EPHA3: variants seen among roughly 807,000 people sequenced by gnomAD.
The protein encoded by EPHA3 is EPH receptor A3.
In EPHA3, 42 loss-of-function variants were observed where a neutral mutation model predicts 107.1. The observed-to-expected ratio is 0.39, with a 90% CI of 0.31 to 0.51. EPHA3 has a LOEUF of 0.51. Among genes scored for constraint, EPHA3 ranks in the 20% least tolerant of loss-of-function variants. EPHA3 has a pLI of 0.78. For missense variants in EPHA3, 1,183 were observed against 1,211.2 expected (o/e 0.98, Z 0.35); for synonymous variants, 461 against 424.8 (o/e 1.09, Z -1.05).
At chr3:89,216,773 A>C (rs560632488) in intron 3 of EPHA3, among the ~76,000 whole-genome samples, 1 of 152,186 alleles carries the variant, frequency 6.6e-6, no homozygotes, top group African/African-American at 2.4e-5. Context: ...TGTGTTTTCA[A>C]CTTTCAAGAT....
At chr3:89,164,537 T>C (rs1210881789) in intron 2 of EPHA3, among the ~76,000 whole-genome samples, 1 of 152,234 alleles carries the variant, frequency 6.6e-6, no homozygotes, top group Non-Finnish European at 1.5e-5. Flanking sequence ...TCTTGCCCTT[T>C]GGATCTGCTT....
At chr3:89,423,203 C>T (rs1384420727) in intron 11 of EPHA3, among the ~76,000 whole-genome samples, 1 of 151,402 alleles carries the variant, frequency 6.6e-6, no homozygotes, top group Non-Finnish European at 1.5e-5. Flanking sequence ...TACCATGTAA[C>T]TTAAGTGTAA....
intron 2 of EPHA3, among the ~76,000 whole-genome samples, chr3:89,130,938 T>C (rs1704196252): frequency 6.6e-6 from 1 of 152,210 alleles, no homozygotes; most frequent in Admixed American, 6.5e-5. Context: ...GCCCGGTCCC[T>C]ATCTCCATTT....
intron 5 of EPHA3, among the ~76,000 whole-genome samples, chr3:89,391,409 T>G (rs1210788120): frequency 4.1e-5 from 6 of 145,622 alleles, no homozygotes; most frequent in African/African-American, 1.6e-4. Context: ...TTTCTTTTCT[T>G]TTCTTTCTTT....
At chr3:89,455,889 A>T (rs1422109377) in intron 15 of EPHA3, among the ~76,000 whole-genome samples, 1 of 152,044 alleles carries the variant, frequency 6.6e-6, no homozygotes, top group Admixed American at 6.6e-5. Flanking sequence ...CACTATTTTA[A>T]TTCTGTTTTC....
At chr3:89,127,657 T>TA (rs1704121660) in intron 2 of EPHA3, among the ~76,000 whole-genome samples, 1 of 152,000 alleles carries the variant, frequency 6.6e-6, no homozygotes, top group African/African-American at 2.4e-5. Flanking sequence ...GTCATAGCCT[T>TA]AAAATCAACC....
At chr3:89,382,755 A>G (rs1227014381) in intron 5 of EPHA3, among the ~76,000 whole-genome samples, 3 of 152,164 alleles carry the variant, frequency 2.0e-5, no homozygotes, top group Admixed American at 6.5e-5. Flanking sequence ...TTAGGACAGA[A>G]GAATATTGCT....
chr3:89,216,617 T>A (rs758573412), intron 3 of EPHA3, among the ~76,000 whole-genome samples: 1 of 152,078 alleles, frequency 6.6e-6, no homozygotes, highest in Non-Finnish European at 1.5e-5. Context: ...TGACCTTCCT[T>A]AGCTCTGATT....
At chr3:89,134,979 T>C (rs975483170) in intron 2 of EPHA3, among the ~76,000 whole-genome samples, 9 of 152,198 alleles carry the variant, frequency 5.9e-5, no homozygotes, top group African/African-American at 1.9e-4. Flanking sequence ...TATTTCACAC[T>C]TAATTCAGAA....
At chr3:89,476,583 ATTT>A (rs1559710389) in intron 16 of EPHA3, among the ~76,000 whole-genome samples, 1 of 130,828 alleles carries the variant, frequency 7.6e-6, no homozygotes. Context: ...GACTATTATT[ATTT>A]TTATTTATTT....
intron 3 of EPHA3, among the ~76,000 whole-genome samples, chr3:89,280,575 A>G (rs567885308): frequency 1.3e-5 from 2 of 152,276 alleles, no homozygotes; most frequent in East Asian, 1.9e-4. Context: ...GTGTGGTATA[A>G]TTGGGTTTTA....
At position 89,356,194 on chromosome 3, in the gene EPHA3, T is replaced by A. The variant is rs1469591200; in HGVS notation, c.1306+14104T>A. 2.8e-4 allele frequency among the ~76,000 whole-genome samples: 43 copies of A among 150,948 alleles called. 2 individuals carry two copies. The Admixed American group carries it at 2.9e-3, about 10-fold the overall frequency. ...TTTTTTATGGCTGCATAGTATTCCA[T>A]GGTGTATATGTGCCACATTTTCTTA... On this transcript the variant is annotated intron_variant, in intron 5 of 16. Transcript: ENST00000336596.
intron 3 of EPHA3, among the ~76,000 whole-genome samples, chr3:89,244,441 A>G (rs1474083633): frequency 6.6e-6 from 1 of 152,120 alleles, no homozygotes; most frequent in Non-Finnish European, 1.5e-5. Context: ...CAACATATTT[A>G]AATTTTTTCC....
intron 3 of EPHA3, among the ~76,000 whole-genome samples, chr3:89,211,722 CT>C (rs1559602809): frequency 7.2e-6 from 1 of 139,528 alleles, no homozygotes. Context: ...TCCTCTTCTT[CT>C]TTTTCTTCTT....
intron 3 of EPHA3, among the ~76,000 whole-genome samples, chr3:89,256,144 G>A (rs1444054872): frequency 1.3e-5 from 2 of 151,812 alleles, no homozygotes; most frequent in African/African-American, 4.8e-5. Flanking sequence ...CCAGCTACTC[G>A]GGAGGCTGAG....
At chr3:89,448,297 T>A (rs952799655) in intron 13 of EPHA3, among the ~76,000 whole-genome samples, 1 of 152,168 alleles carries the variant, frequency 6.6e-6, no homozygotes. Context: ...ATTATAAAGT[T>A]TGAAAAGCAA....
chr3:89,391,239 T>A (rs1205650562), intron 5 of EPHA3, among the ~76,000 whole-genome samples: 3 of 151,830 alleles, frequency 2.0e-5, no homozygotes, highest in Non-Finnish European at 4.4e-5. Flanking sequence ...CAGTTAAGAG[T>A]TTCTTTAGTA....
intron 2 of EPHA3, among the ~76,000 whole-genome samples, chr3:89,144,769 A>G (rs149426876): frequency 0.017 from 2,618 of 151,766 alleles, 50 homozygotes; most frequent in Non-Finnish European, 0.021. Flanking sequence ...TTTTTACAGT[A>G]ATAACATATG....
At chr3:89,122,429 C>T (rs1248735514) in intron 1 of EPHA3, among the ~76,000 whole-genome samples, 1 of 152,136 alleles carries the variant, frequency 6.6e-6, no homozygotes, top group Non-Finnish European at 1.5e-5. Context: ...CTACTGTTAA[C>T]CTTGAAATGA....
Sources: gnomAD v4.1 joint callset for allele counts (sites outside exome capture counted in the v4.1 genomes callset) on GRCh38, gnomAD v4.1.1 for gene constraint, MANE v1.5 for transcripts, NCBI Gene and HGNC (gene_info 2026-07-23, HGNC 2026-07-21) for gene names.